The following ACSL6 variants were observed in gnomAD, a reference collection of about 807,000 sequenced individuals.
The protein encoded by ACSL6 is long-chain-fatty-acid--CoA ligase 6.
A neutral mutation model predicts 98.2 loss-of-function variants in ACSL6; 47 were observed. The ratio of observed to expected loss-of-function variants is 0.48; its 90% CI spans 0.38 to 0.61. The LOEUF (loss-of-function observed/expected upper bound fraction) is 0.61, where lower values mean the gene tolerates loss of function less well. ACSL6 is among the 20% of genes least tolerant of loss of function. The probability of loss-of-function intolerance (pLI) is 0.00; values close to 1 mark genes in which losing one functional copy is unlikely to be tolerated. For missense variants in ACSL6, 761 were observed against 913.4 expected, an observed-to-expected ratio of 0.83 and a Z score of 2.15; for synonymous variants, 362 against 336.9, an observed-to-expected ratio of 1.07 and a Z score of -0.82.
intron 1 of ACSL6, among the ~76,000 whole-genome samples, chr5:132,009,843 C>A (rs539005691): frequency 1.8e-4 from 28 of 152,146 alleles, no homozygotes; most frequent in African/African-American, 6.5e-4. Context: ...CTGCTGATGA[C>A]CCCGGTCACA....
intron 19 of ACSL6, 92 bp from the exon 20 acceptor site, chr5:131,959,699 A>T (rs1752597530): frequency 8.1e-7 from 1 of 1,240,116 alleles, no homozygotes; most frequent in Non-Finnish European, 1.2e-6. Flanking sequence ...AGTACAACTG[A>T]TGATTGTGCC....
At chr5:131,961,816 T>C (rs1207400633) in intron 18 of ACSL6, among the ~76,000 whole-genome samples, 1 of 152,138 alleles carries the variant, frequency 6.6e-6, no homozygotes, top group South Asian at 2.1e-4. Flanking sequence ...ATATTAGTAT[T>C]AGTACCATTA....
intron 6 of ACSL6, chr5:131,988,506 A>T: frequency 6.2e-7 from 1 of 1,602,178 alleles, no homozygotes. Context: ...TGAGATATTT[A>T]CCACCCCCTG....
rs747273583 is a variant in ACSL6, at chr5:131,985,394, T to A, written c.916+13A>T. ...AGGTAGCCATGGCTGGGGATCTGCG[T>A]GCCTCTGCTTACCTGTCGTGCCGCT... On this transcript the variant is annotated intron_variant, in intron 9 of 20. Transcript: ENST00000651883. 1.2e-6 allele frequency: 2 copies of A among 1,614,028 alleles called. No homozygotes were observed. The highest frequency in any genetic ancestry group is 4.5e-5 in the East Asian group (2 of 44,878).
In ACSL6 at chr5:131,967,991, C is replaced by T. The variant is rs781761566; in HGVS notation, c.1545G>A (p.Lys515=). 1 of 1,613,982 alleles carries T rather than the reference C, an allele frequency of 6.2e-7. No homozygotes were observed. The highest frequency in any genetic ancestry group is 8.5e-7 in the Non-Finnish European group (1 of 1,179,918). The change falls in exon 16 of 21, where the codon AAG becomes AAA. Residue 515 remains lysine (K), a synonymous_variant. Coordinates refer to ENST00000651883, the MANE Select transcript of ACSL6 (RefSeq NM_001009185.3). ...VGAPLPCNHI[K]LVDVEELNYW... ...AGTTCAGTTCCTCAACATCAACGAG[C>T]TTGATATGATTGCAGGGAAGTGGCG...
chr5:131,958,055 C>G (rs775740644), intron 20 of ACSL6, among the ~76,000 whole-genome samples: 1 of 152,208 alleles, frequency 6.6e-6, no homozygotes, highest in African/African-American at 2.4e-5. Flanking sequence ...CGTCTCCTCT[C>G]AGTGAAAGCT....
At chr5:131,990,823 C>G (rs199669056) in intron 3 of ACSL6, 30 bp downstream of exon 3, 2 of 1,468,100 alleles carry the variant, frequency 1.4e-6, no homozygotes, top group African/African-American at 5.2e-5. Context: ...CACACAGCCC[C>G]TCCACACCCC....
intron 11 of ACSL6, 23 bp from the exon 12 acceptor site, chr5:131,973,423 G>C (rs187179519): frequency 6.2e-7 from 1 of 1,612,654 alleles, no homozygotes; most frequent in Non-Finnish European, 8.5e-7. Context: ...GACAGGAAGG[G>C]AGGAGTCCCT....
intron 15 of ACSL6, among the ~76,000 whole-genome samples, chr5:131,969,020 G>T (rs1561782494): frequency 6.6e-6 from 1 of 152,220 alleles, no homozygotes; most frequent in Non-Finnish European, 1.5e-5. Context: ...CATGAGGGTA[G>T]ATACTGGAAG....
rs1351427534 is a variant in ACSL6, at chr5:131,950,380, G to A, written c.*3854C>T. On this transcript the variant is annotated 3_prime_UTR_variant, in exon 21 of 21. Coordinates refer to ENST00000651883, the MANE Select transcript of ACSL6 (RefSeq NM_001009185.3). Reference sequence around the variant, plus strand: ...TGAAGAGTTTCTCATTTGGGGTATTGACCTTACTTGAATGCTAACCCACTT... The same window carrying A: ...TGAAGAGTTTCTCATTTGGGGTATTAACCTTACTTGAATGCTAACCCACTT... 2 of 203,626 alleles carry A rather than the reference G, an allele frequency of 9.8e-6. No individual in the cohort carries two copies. The highest frequency in any genetic ancestry group is 2.3e-5 in the African/African-American group (1 of 43,688). 12.6% of individuals were successfully genotyped at this position (203,626 alleles called of 1,614,324 possible).
At chr5:132,005,441 T>C (rs1477341986) in intron 1 of ACSL6, among the ~76,000 whole-genome samples, 2 of 152,238 alleles carry the variant, frequency 1.3e-5, no homozygotes, top group South Asian at 4.1e-4. Flanking sequence ...CTAAAGGCCT[T>C]AAGGCCTTAC....
chr5:131,988,499 G>A, intron 6 of ACSL6: 14 of 1,594,998 alleles, frequency 8.8e-6, no homozygotes, highest in Non-Finnish European at 1.1e-5. Flanking sequence ...GTCTGTTTGA[G>A]ATATTTACCA....
chr5:131,976,980 G>A (rs190090358), intron 9 of ACSL6, among the ~76,000 whole-genome samples: 1 of 152,234 alleles, frequency 6.6e-6, no homozygotes, highest in African/African-American at 2.4e-5. Context: ...GTGCCTCAAG[G>A]CCTGAAGGGT....
chr5:132,012,192 C>T (rs1015988888), upstream of ACSL6: 5 of 439,114 alleles, frequency 1.1e-5, no homozygotes, highest in Non-Finnish European at 2.0e-5. Context: ...GCCACCTCTG[C>T]AAACCAGTGA....
At chr5:131,954,544 C>G (rs1411993320) in intron 20 of ACSL6, among the ~76,000 whole-genome samples, 173 bp from the exon 21 acceptor site, 2 of 152,162 alleles carry the variant, frequency 1.3e-5, no homozygotes, top group Non-Finnish European at 2.9e-5. Context: ...TAAAAGCCAA[C>G]TTTTTTCCTT....
intron 10 of ACSL6, chr5:131,975,465 T>G (rs1030774476): frequency 1.0e-6 from 1 of 985,280 alleles, no homozygotes; most frequent in Admixed American, 6.1e-5. Flanking sequence ...TCTTGGCTAG[T>G]CAGCACTTTC....
intron 1 of ACSL6, chr5:131,994,576 T>C (rs1419251251): frequency 1.1e-5 from 4 of 376,390 alleles, no homozygotes; most frequent in Non-Finnish European, 1.5e-5. Flanking sequence ...TGATGCTTCC[T>C]GGACCTCAAG....
At chr5:131,961,668 G>A (rs1368587073) in intron 18 of ACSL6, among the ~76,000 whole-genome samples, 1 of 152,072 alleles carries the variant, frequency 6.6e-6, no homozygotes, top group African/African-American at 2.4e-5. Flanking sequence ...CTGCACTCCA[G>A]CCTGGGTGAC....
chr5:131,953,869 C>A lies in ACSL6; in HGVS notation c.*365G>T, dbSNP rs1041789623. The A allele has an allele frequency of 2.0e-5, 4 of 203,630 alleles. No individual in the cohort carries two copies. Among genetic ancestry groups the A allele is most frequent in the Non-Finnish European group, 3.0e-5 (3 of 99,306 alleles). 12.6% of individuals were successfully genotyped at this position (203,630 alleles called of 1,614,324 possible). On this transcript the variant is annotated 3_prime_UTR_variant, in exon 21 of 21. Coordinates refer to ENST00000651883, the MANE Select transcript of ACSL6 (RefSeq NM_001009185.3). The stretch of plus-strand genomic sequence containing the variant: ...CCTAGATATTTGCTGCATCTGGTTA[C>A]TGATTCACAAATAATTAAGTAGAAT...
Sources: gnomAD v4.1 joint callset for allele counts (sites outside exome capture counted in the v4.1 genomes callset) on GRCh38, gnomAD v4.1.1 for gene constraint, MANE v1.5 for transcripts, NCBI Gene and HGNC (gene_info 2026-07-23, HGNC 2026-07-21) for gene names.